The following CAMTA1 variants were observed in gnomAD, a reference collection of about 807,000 sequenced individuals.
CAMTA1 encodes calmodulin-binding transcription activator 1.
A neutral mutation model predicts 170.9 loss-of-function variants in CAMTA1; 27 were observed. The ratio of observed to expected loss-of-function variants is 0.16; its 90% confidence interval spans 0.12 to 0.22. The LOEUF is 0.22. CAMTA1 is among the 10% of genes least tolerant of loss of function. The pLI, the probability that CAMTA1 is intolerant of heterozygous loss-of-function variation, is 1.00. For synonymous variants in CAMTA1, 833 were observed against 891.5 expected, an observed-to-expected ratio of 0.93 and a Z score of 1.17; for missense variants, 1,619 against 2,217.2, an observed-to-expected ratio of 0.73 and a Z score of 5.42.
At chr1:7,284,121 C>T (rs72641281) in intron 5 of CAMTA1, among the ~76,000 whole-genome samples, 1 of 144,290 alleles carries the variant, frequency 6.9e-6, no homozygotes, top group Non-Finnish European at 1.5e-5. Context: ...TCGGTATTTG[C>T]TGCTGTTCTT....
chr1:7,356,106 G>A (rs370101253), intron 5 of CAMTA1, among the ~76,000 whole-genome samples: 5 of 152,358 alleles, frequency 3.3e-5, no homozygotes, highest in African/African-American at 1.2e-4. Flanking sequence ...ATGATTGGAC[G>A]GGTTTGGGAG....
intron 5 of CAMTA1, among the ~76,000 whole-genome samples, chr1:7,412,746 A>G (rs1447117438): frequency 2.0e-5 from 3 of 148,348 alleles, no homozygotes; most frequent in Non-Finnish European, 3.0e-5. Context: ...CTGTGCAGAA[A>G]CTCTTTAGTT....
chr1:6,835,219 G>A (rs1421591453), intron 3 of CAMTA1, among the ~76,000 whole-genome samples: 1 of 152,212 alleles, frequency 6.6e-6, no homozygotes, highest in African/African-American at 2.4e-5. Flanking sequence ...ATGTTAAGGT[G>A]CAAATGAGGA....
intron 3 of CAMTA1, among the ~76,000 whole-genome samples, chr1:6,900,166 C>G (rs1676621807): frequency 6.6e-6 from 1 of 152,252 alleles, no homozygotes; most frequent in African/African-American, 2.4e-5. Context: ...TAAACATATG[C>G]TGCTTCATTG....
chr1:7,669,405 G>A (rs189755608), intron 9 of CAMTA1, among the ~76,000 whole-genome samples: 97 of 152,378 alleles, frequency 6.4e-4, no homozygotes, highest in African/African-American at 2.2e-3. Context: ...ACATTGTGGG[G>A]CGCCTAGGGC....
intron 5 of CAMTA1, among the ~76,000 whole-genome samples, chr1:7,460,971 G>A (rs540095409): frequency 2.6e-5 from 4 of 152,270 alleles, no homozygotes; most frequent in Admixed American, 1.3e-4. Context: ...GACCCCTACC[G>A]GTGGCCTGGC....
chr1:7,740,698 T>C (rs929358412), intron 16 of CAMTA1, among the ~76,000 whole-genome samples: 7 of 152,216 alleles, frequency 4.6e-5, no homozygotes, highest in African/African-American at 9.6e-5. Flanking sequence ...GTATGAAATA[T>C]AGCCAGTGCA....
intron 4 of CAMTA1, among the ~76,000 whole-genome samples, chr1:7,152,204 C>A (rs1049901846): frequency 8.5e-5 from 13 of 152,214 alleles, no homozygotes; most frequent in Admixed American, 8.5e-4. Context: ...GCGATCACAG[C>A]CTCCGCCATG....
chr1:7,691,874 T>C (rs1426687043), intron 11 of CAMTA1, among the ~76,000 whole-genome samples: 5 of 151,980 alleles, frequency 3.3e-5, no homozygotes, highest in African/African-American at 7.3e-5. Context: ...CAAGAACTTC[T>C]GTCTTAATTA....
chr1:7,103,549 C>A (rs1205187815), intron 4 of CAMTA1, among the ~76,000 whole-genome samples: 1 of 57,226 alleles, frequency 1.7e-5, no homozygotes, highest in Non-Finnish European at 3.4e-5. Flanking sequence ...CACATGTACA[C>A]ACTACACACA....
intron 5 of CAMTA1, among the ~76,000 whole-genome samples, chr1:7,403,285 C>T (rs898565065): frequency 3.3e-5 from 5 of 151,994 alleles, no homozygotes; most frequent in African/African-American, 4.8e-5. Context: ...ACCCAGGAGG[C>T]GGAGGTTGAA....
intron 3 of CAMTA1, among the ~76,000 whole-genome samples, chr1:6,905,188 CTTTTT>C (rs34960802): frequency 2.7e-5 from 3 of 109,922 alleles, no homozygotes; most frequent in African/African-American, 3.9e-5. Context: ...TGCCTTGTTC[CTTTTT>C]TTTTTTTTTT....
chr1:7,073,046 GAGGTGCTGGT>G (rs1417508121), intron 3 of CAMTA1, among the ~76,000 whole-genome samples: 2 of 152,228 alleles, frequency 1.3e-5, no homozygotes, highest in Admixed American at 1.3e-4. Flanking sequence ...TAGATGGGAG[GAGGTGCTGGT>G]AGCTTGAACC....
At chr1:7,399,891 C>T (rs1351829274) in intron 5 of CAMTA1, among the ~76,000 whole-genome samples, 11 of 152,078 alleles carry the variant, frequency 7.2e-5, no homozygotes, top group Admixed American at 6.5e-4. Flanking sequence ...TTATCTTGCA[C>T]CTTTTAAAAT....
chr1:7,621,881 G>T (rs948179501), intron 6 of CAMTA1, among the ~76,000 whole-genome samples: 1 of 152,162 alleles, frequency 6.6e-6, no homozygotes, highest in Non-Finnish European at 1.5e-5. Flanking sequence ...AGCTCAGCTC[G>T]GCCACGTCTC....
At chr1:7,492,696 AACAC>A (rs756587377) in intron 6 of CAMTA1, among the ~76,000 whole-genome samples, 1 of 137,242 alleles carries the variant, frequency 7.3e-6, no homozygotes, top group African/African-American at 2.9e-5. Context: ...CAAACCTACA[AACAC>A]ACACGCAGGC....
Position 7,665,286 on chromosome 1 carries a change from T to A in CAMTA1, c.2652+87T>A. On this transcript the variant is annotated intron_variant, in intron 9 of 22. Coordinates refer to ENST00000303635, the MANE Select transcript of CAMTA1 (RefSeq NM_015215.4). This position sits in a 1 kb window ranked among gnomAD's most constrained non-coding sequence, Gnocchi z 4.3. ...CGCCACCCTGCAGCTAAGGGATGCCTGTGGCTGCCCTTCAGAGGAAGCTCT... is the reference window on the plus strand; with the variant it reads ...CGCCACCCTGCAGCTAAGGGATGCCAGTGGCTGCCCTTCAGAGGAAGCTCT... 1 of 1,124,918 alleles carries A rather than the reference T, an allele frequency of 8.9e-7. No homozygotes were observed. Among genetic ancestry groups the A allele is most frequent in the Non-Finnish European group, 1.2e-6 (1 of 844,406 alleles). 69.7% of individuals were successfully genotyped at this position (1,124,918 alleles called of 1,614,324 possible).
Position 7,443,816 on chromosome 1 carries a change from C to T in CAMTA1, c.439-24014C>T, listed in dbSNP as rs955389502. 6.6e-6 allele frequency among the ~76,000 whole-genome samples: 1 copy of T among 151,086 alleles called. No individual in the cohort carries two copies. The highest frequency in any genetic ancestry group is 1.5e-5 in the Non-Finnish European group (1 of 67,586). ...CCATTTATTTGTACCTCCTGATATC[C>T]TGTCCAGGGTCCCAAGACAGCCTCT... On this transcript the variant is annotated intron_variant, in intron 5 of 22. Transcript: ENST00000303635. This position sits in a 1 kb window ranked among gnomAD's most constrained non-coding sequence, Gnocchi z 4.1.
At chr1:7,350,952 T>G (rs845238) in intron 5 of CAMTA1, among the ~76,000 whole-genome samples, 107,039 of 152,214 alleles carry the variant, frequency 0.7, 37,904 homozygotes, top group East Asian at 0.82. Context: ...GGCCCAAGCT[T>G]CCAGGGCTTC....
Sources: allele counts gnomAD v4.1 joint callset (sites outside exome capture counted in the v4.1 genomes callset), GRCh38; gene constraint gnomAD v4.1.1; non-coding constraint Gnocchi (gnomAD v3.1); transcripts MANE v1.5; gene names NCBI Gene and HGNC (gene_info 2026-07-23, HGNC 2026-07-21).